The following BAZ1B variants were observed in gnomAD, a reference collection of about 807,000 sequenced individuals.
The protein encoded by BAZ1B is bromodomain adjacent to zinc finger domain 1B, also known as tyrosine-protein kinase BAZ1B.
Under a neutral mutation model 153.8 loss-of-function variants are expected in BAZ1B, and 22 were observed. The observed-to-expected ratio is 0.14, with a 90% CI of 0.10 to 0.20. BAZ1B has a LOEUF of 0.20. Among genes scored for constraint, BAZ1B ranks in the 10% least tolerant of loss-of-function variants. The pLI is 1.00. For missense variants in BAZ1B, 1,325 were observed against 1,799.3 expected, an observed-to-expected ratio of 0.74 and a Z score of 4.77; for synonymous variants, 676 against 633.4, an observed-to-expected ratio of 1.07 and a Z score of -1.01.
At chr7:73,447,446 A>C in intron 15 of BAZ1B, 67 bp from the exon 16 acceptor site, 1 of 1,530,884 alleles carries the variant, frequency 6.5e-7, no homozygotes, top group African/African-American at 1.4e-5. Flanking sequence ...AAGGGCTCAA[A>C]TCCCACAGGG....
intron 6 of BAZ1B, 32 bp downstream of exon 6, chr7:73,489,162 T>G: frequency 6.3e-7 from 1 of 1,595,874 alleles, no homozygotes; most frequent in Non-Finnish European, 8.6e-7. Context: ...TGATGCTTTA[T>G]CCTGCTGTCC....
chr7:73,481,017 C>T (rs1405593517), intron 6 of BAZ1B, among the ~76,000 whole-genome samples: 1 of 152,142 alleles, frequency 6.6e-6, no homozygotes. Context: ...ACCTCCACCT[C>T]CCAGGCTCAA....
At chr7:73,470,239 A>G in intron 8 of BAZ1B, 106 bp downstream of exon 8, 1 of 1,254,106 alleles carries the variant, frequency 8.0e-7, no homozygotes, top group South Asian at 1.8e-5. Context: ...AAGAATTGGA[A>G]AACTGAAGAG....
chr7:73,442,461 C>G lies in BAZ1B; in HGVS notation c.4187G>C (p.Gly1396Ala). 6.2e-7 allele frequency: 1 copy of G among 1,614,198 alleles called. No individual in the cohort carries two copies. The highest frequency in any genetic ancestry group is 8.5e-7 in the Non-Finnish European group (1 of 1,180,036). ...AAACTCCTGCACAGAGCGGTAGCTC[C>G]CACAGGAACATTTGTTCTGCACTGT... ...FQTVQNKCSC[G>A]SYRSVQEFLT... The change falls in exon 19 of 20, where the codon GGG (glycine) becomes GCG (alanine). Residue 1396 changes from glycine (G) to alanine (A), a missense_variant. Transcript: ENST00000339594.
intron 13 of BAZ1B, among the ~76,000 whole-genome samples, chr7:73,457,927 G>A (rs570796660): frequency 2.0e-5 from 3 of 152,122 alleles, no homozygotes; most frequent in African/African-American, 7.2e-5. Context: ...CCCCTGCTCC[G>A]CCACCTTCCT....
chr7:73,458,118 G>C (rs111667536), intron 13 of BAZ1B, among the ~76,000 whole-genome samples: 2 of 152,298 alleles, frequency 1.3e-5, no homozygotes, highest in South Asian at 4.1e-4. Context: ...TGGGGCTTGC[G>C]ACTGGCATCT....
At chr7:73,445,631 G>A (rs1422361503) in intron 16 of BAZ1B, among the ~76,000 whole-genome samples, 1 of 152,136 alleles carries the variant, frequency 6.6e-6, no homozygotes, top group Non-Finnish European at 1.5e-5. Context: ...AGCACTTCGG[G>A]AGGCCAAGGC....
At chr7:73,464,001 C>T (rs1788487270) in intron 11 of BAZ1B, 1 of 563,730 alleles carries the variant, frequency 1.8e-6, no homozygotes, top group South Asian at 7.8e-5. Flanking sequence ...CCACCGCGGC[C>T]GGCCCTCCTC....
chr7:73,475,485 A>G (rs2116331157), intron 7 of BAZ1B, among the ~76,000 whole-genome samples: 1 of 152,362 alleles, frequency 6.6e-6, no homozygotes, highest in African/African-American at 2.4e-5. Context: ...GCTACATATT[A>G]TATGATTGCA....
intron 11 of BAZ1B, 49 bp downstream of exon 11, chr7:73,465,390 C>A: frequency 1.6e-6 from 2 of 1,228,994 alleles, no homozygotes; most frequent in Non-Finnish European, 2.3e-6. Flanking sequence ...TATTTATATC[C>A]AATGCTAAAG....
chr7:73,479,711 T>G (rs141689037), intron 6 of BAZ1B, among the ~76,000 whole-genome samples: 6 of 152,164 alleles, frequency 3.9e-5, no homozygotes, highest in South Asian at 2.1e-4. Context: ...CAGATTAAAT[T>G]TTAGTCAATC....
rs1258861425 is a variant in BAZ1B, at chr7:73,478,120, C to T, written c.1341G>A (p.Thr447=). 7 of 1,614,072 alleles carry T rather than the reference C, an allele frequency of 4.3e-6. No individual in the cohort carries two copies. Among genetic ancestry groups the T allele is most frequent in the East Asian group, 4.5e-5 (2 of 44,902 alleles). ...TCCGTGGGGCTCGTGTCATCTTCTGCGTGCCTTTGGCCATATCCAACAAAG... is the reference window on the plus strand; with the variant it reads ...TCCGTGGGGCTCGTGTCATCTTCTGTGTGCCTTTGGCCATATCCAACAAAG... ...QMTLLDMAKG[T]QKMTRAPRNS... is the part of the protein sequence containing the mutation. Residue 447 remains threonine (T), a synonymous_variant, in exon 7 of 20, where the codon ACG becomes ACA. Transcript: ENST00000339594.
intron 13 of BAZ1B, among the ~76,000 whole-genome samples, chr7:73,458,618 G>C (rs1360342689): frequency 6.7e-6 from 1 of 150,084 alleles, no homozygotes; most frequent in Non-Finnish European, 1.5e-5. Flanking sequence ...AGAGGTTGCA[G>C]TGAGCTGAGA....
rs1787988005 is a variant in BAZ1B, at chr7:73,450,258, G to C, written c.3581-569C>G. On this transcript the variant is annotated intron_variant, in intron 14 of 19. Coordinates refer to ENST00000339594, the MANE Select transcript of BAZ1B (RefSeq NM_032408.4). The surrounding 1 kb of genome is among the most constrained non-coding windows in gnomAD (Gnocchi z 4.1). The stretch of plus-strand genomic sequence containing the variant: ...CATGTGGTTTCTTACATTTGAAAAA[G>C]TGTTGTGCTGAGTCAACTTAATATG... Among the ~76,000 whole-genome samples the C allele has an allele frequency of 6.6e-6, 1 of 152,142 alleles. No individual in the cohort carries two copies. Among genetic ancestry groups the C allele is most frequent in the Admixed American group, 6.5e-5 (1 of 15,270 alleles).
At chr7:73,458,749 T>C (rs1210767738) in intron 13 of BAZ1B, among the ~76,000 whole-genome samples, 4 of 151,686 alleles carry the variant, frequency 2.6e-5, no homozygotes, top group African/African-American at 9.7e-5. Flanking sequence ...AGAGCAAGCA[T>C]GGCTGGGCGC....
At chr7:73,465,049 C>A (rs1159121512) in intron 11 of BAZ1B, among the ~76,000 whole-genome samples, 3 of 152,102 alleles carry the variant, frequency 2.0e-5, no homozygotes, top group Non-Finnish European at 4.4e-5. Context: ...TATATACTAA[C>A]TTTTATTTAT....
Position 73,522,193 on chromosome 7 carries a change from G to A in BAZ1B, c.-260C>T. ...CCGCCGACCTCCGCTTCGGGTCCCG[G>A]CGGCCGGCAGTCACGACTCCTCCTC... On this transcript the variant is annotated 5_prime_UTR_variant, in exon 1 of 20. Transcript: ENST00000339594. 2.5e-6 allele frequency: 1 copy of A among 392,942 alleles called. No individual in the cohort carries two copies. The highest frequency in any genetic ancestry group is 4.5e-6 in the Non-Finnish European group (1 of 222,524). 24.3% of individuals were successfully genotyped at this position (392,942 alleles called of 1,614,324 possible). A position where few individuals can be genotyped will look rare whatever the true frequency, so the allele number is the denominator to read the frequency against.
intron 1 of BAZ1B, among the ~76,000 whole-genome samples, chr7:73,512,832 A>G (rs1217169897): frequency 2.6e-5 from 4 of 151,322 alleles, no homozygotes; most frequent in South Asian, 4.1e-4. Flanking sequence ...CAAATATTCT[A>G]ATTTTTGTTT....
At chr7:73,521,236 G>A (rs1791025455) in intron 1 of BAZ1B, among the ~76,000 whole-genome samples, 1 of 151,898 alleles carries the variant, frequency 6.6e-6, no homozygotes, top group South Asian at 2.1e-4. Context: ...TCTAAGCGGG[G>A]AATCTCATTC....
Sources: gnomAD v4.1 joint callset for allele counts (sites outside exome capture counted in the v4.1 genomes callset) on GRCh38, gnomAD v4.1.1 for gene constraint, Gnocchi (gnomAD v3.1) non-coding constraint, MANE v1.5 for transcripts, NCBI Gene and HGNC (gene_info 2026-07-23, HGNC 2026-07-21) for gene names.